Variants in TMEM255A observed in about 807,000 individuals in gnomAD.
TMEM255A encodes transmembrane protein 255A.
TMEM255A carries 14 observed loss-of-function variants against 23.5 expected under a neutral mutation model. The ratio of observed to expected loss-of-function variants is 0.60; its 90% confidence interval spans 0.39 to 0.93. The LOEUF is 0.93. TMEM255A is among the 40% of genes least tolerant of loss of function. The pLI is 0.00. For synonymous variants in TMEM255A, 104 were observed against 100.3 expected (o/e 1.04, Z -0.22); for missense variants, 233 against 261.7 (o/e 0.89, Z 0.76).
downstream of TMEM255A, chrX:120,255,313 C>G (rs1556015240): frequency 8.3e-7 from 1 of 1,211,679 alleles, no homozygotes; most frequent in Non-Finnish European, 1.1e-6. Flanking sequence ...ACTACATCTA[C>G]TCAGAACAAG....
chrX:120,286,133 A>AG, intron 5 of TMEM255A: 1 of 258,742 alleles, frequency 3.9e-6, no homozygotes, highest in Non-Finnish European at 6.8e-6. Context: ...TAAAAGAAAA[A>AG]GGAGTCAAGT....
At chrX:120,296,739 TA>T (rs2057963472) in intron 2 of TMEM255A, among the ~76,000 whole-genome samples, 1 of 38,372 alleles carries the variant, frequency 2.6e-5, no homozygotes, top group Non-Finnish European at 3.8e-5. Context: ...AAATATATTA[TA>T]TTATATTATA....
intron 4 of TMEM255A, among the ~76,000 whole-genome samples, chrX:120,288,316 C>G (rs910135406): frequency 1.8e-5 from 2 of 112,093 alleles, no homozygotes; most frequent in African/African-American, 6.5e-5. Context: ...CTACATGAAA[C>G]TCCTGCCTGC....
intron 5 of TMEM255A, chrX:120,286,031 A>T (rs1433345622): frequency 1.6e-6 from 1 of 636,876 alleles, no homozygotes; most frequent in Non-Finnish European, 2.2e-6. Context: ...CCAAATGCTT[A>T]CTGCCTTTCA....
Position 120,297,713 on chromosome X carries a change from G to C in TMEM255A, c.202-3662C>G, listed in dbSNP as rs573473218. 1.5e-3 allele frequency among the ~76,000 whole-genome samples: 170 copies of C among 110,566 alleles called. 1 individual carries two copies. The South Asian group carries it at 0.062, about 40-fold the overall frequency. ...AATGGTAGGTCTGGGACTAGCTCTC[G>C]GGTCCCCTGAATAACAGCTTGAGTT... On this transcript the variant is annotated intron_variant, in intron 2 of 8. Transcript: ENST00000371369.
chrX:120,258,794 C>T lies in TMEM255A; in HGVS notation c.*2076G>A, dbSNP rs1556015966. The T allele has an allele frequency of 8.9e-6, 1 of 112,639 alleles. No individual in the cohort carries two copies. The highest frequency in any genetic ancestry group is 9.5e-5 in the Admixed American group (1 of 10,577). 9.3% of individuals were successfully genotyped at this position (112,639 alleles called of 1,213,427 possible). Reference sequence around the variant, plus strand: ...TTAATGTTTCATGCCCAGTTCAGTACTTTAAAGCAGAATTAGGAATAAAGC... The same window carrying T: ...TTAATGTTTCATGCCCAGTTCAGTATTTTAAAGCAGAATTAGGAATAAAGC... On this transcript the variant is annotated 3_prime_UTR_variant, in exon 9 of 9. Coordinates refer to ENST00000371369, the MANE Select transcript of TMEM255A (RefSeq NM_001104544.3).
intron 8 of TMEM255A, among the ~76,000 whole-genome samples, chrX:120,267,625 A>T (rs782400612): frequency 8.9e-6 from 1 of 112,318 alleles, no homozygotes; most frequent in South Asian, 3.7e-4. Context: ...TAGTAGTCAC[A>T]GTTCAAAAGG....
intron 3 of TMEM255A, 148 bp from the exon 4 acceptor site, chrX:120,291,488 T>A: frequency 2.2e-6 from 1 of 463,099 alleles, no homozygotes; most frequent in Non-Finnish European, 3.7e-6. Context: ...GCAGGATGAG[T>A]GGAAGGGAGG....
At chrX:120,286,511 C>T (rs782161465) in intron 5 of TMEM255A, among the ~76,000 whole-genome samples, 4 of 111,975 alleles carry the variant, frequency 3.6e-5, no homozygotes, top group East Asian at 5.6e-4. Flanking sequence ...TGCCTCACTA[C>T]GCATTGCATC....
chrX:120,305,928 T>C (rs544732494), intron 1 of TMEM255A, among the ~76,000 whole-genome samples: 150 of 111,558 alleles, frequency 1.3e-3, no homozygotes, highest in Middle Eastern at 4.6e-3. Flanking sequence ...GGGCAGGCGG[T>C]CTCCCCTGAC....
downstream of TMEM255A, chrX:120,254,798 T>G: frequency 2.5e-6 from 3 of 1,211,905 alleles, no homozygotes; most frequent in Non-Finnish European, 3.3e-6. Flanking sequence ...GACTTGAGAA[T>G]GAAATACCAA....
intron 2 of TMEM255A, among the ~76,000 whole-genome samples, chrX:120,298,958 C>T (rs1161216285): frequency 9.1e-6 from 1 of 110,437 alleles, no homozygotes; most frequent in Non-Finnish European, 1.9e-5. Context: ...GGCCCCAAGG[C>T]AGAAAAGCCC....
downstream of TMEM255A, chrX:120,255,862 G>C (rs1384379885): frequency 3.0e-5 from 4 of 131,686 alleles, no homozygotes; most frequent in African/African-American, 1.3e-4. Flanking sequence ...GTTTTGTCTT[G>C]TATATGGCAT....
chrX:120,251,713 C>T, the TMEM255A span, among the ~76,000 whole-genome samples: 4 of 112,174 alleles, frequency 3.6e-5, no homozygotes, highest in Admixed American at 1.9e-4. Context: ...AAGGGTTTCA[C>T]AGTGATGTGG....
At chrX:120,261,992 TA>T (rs1261840246) in intron 8 of TMEM255A, among the ~76,000 whole-genome samples, 1 of 111,798 alleles carries the variant, frequency 8.9e-6, no homozygotes, top group Non-Finnish European at 1.9e-5. Context: ...GGCATGCTTT[TA>T]AAAAATAAAA....
At chrX:120,292,258 A>G (rs1169105065) in intron 3 of TMEM255A, among the ~76,000 whole-genome samples, 1 of 112,061 alleles carries the variant, frequency 8.9e-6, no homozygotes, top group African/African-American at 3.2e-5. Flanking sequence ...ACTATTACAA[A>G]GATGCTACTA....
chrX:120,285,083 T>C, intron 6 of TMEM255A, 44 bp downstream of exon 6: 1 of 1,078,486 alleles, frequency 9.3e-7, no homozygotes, highest in Non-Finnish European at 1.3e-6. Context: ...CTAGTGTCCG[T>C]TGTGGTCAGA....
chrX:120,279,835 C>T (rs782482830), intron 6 of TMEM255A, among the ~76,000 whole-genome samples: 1 of 111,722 alleles, frequency 9.0e-6, no homozygotes, highest in East Asian at 2.8e-4. Flanking sequence ...AAATATGTAG[C>T]TACATTTTGT....
chrX:120,285,755 A>G, intron 5 of TMEM255A: 1 of 1,200,463 alleles, frequency 8.3e-7, no homozygotes, highest in South Asian at 1.8e-5. Context: ...TATGGAAGTC[A>G]TTATTAATAT....
Sources: gnomAD v4.1 joint callset for allele counts (sites outside exome capture counted in the v4.1 genomes callset) on GRCh38, gnomAD v4.1.1 for gene constraint, MANE v1.5 for transcripts, NCBI Gene and HGNC (gene_info 2026-07-23, HGNC 2026-07-21) for gene names.